SPATA33: variants seen among roughly 807,000 people sequenced by gnomAD.
SPATA33 encodes spermatogenesis associated 33.
In SPATA33, 10 loss-of-function variants were observed where a neutral mutation model predicts 8.9. The observed-to-expected ratio is 1.12, with a 90% confidence interval of 0.69 to 1.90. The LOEUF is 1.90. SPATA33 is among the 40% of genes most tolerant of loss of function. The pLI, the probability that SPATA33 is intolerant of heterozygous loss-of-function variation, is 0.00. For missense variants in SPATA33, 241 were observed against 178.3 expected (o/e 1.35, Z -2.00); for synonymous variants, 96 against 72.8 (o/e 1.32, Z -1.63).
At position 89,662,346 on chromosome 16, in the gene SPATA33, A is replaced by C. The variant is rs185071653; in HGVS notation, c.211+3925A>C. Among the ~76,000 whole-genome samples the C allele has an allele frequency of 3.3e-5, 5 of 152,082 alleles. No individual in the cohort carries two copies. In the East Asian group the frequency reaches 9.6e-4, roughly 29 times the overall value. On this transcript the variant is annotated intron_variant, in intron 2 of 2. Coordinates refer to ENST00000579310, the MANE Select transcript of SPATA33 (RefSeq NM_001271907.2). ...AACGAAGAAAGAACAAGATAACAAA[A>C]TACTGATTGAAGCTGAGTGCTCTAT...
At chr16:89,661,776 C>T (rs1453993545) in intron 2 of SPATA33, among the ~76,000 whole-genome samples, 4 of 152,050 alleles carry the variant, frequency 2.6e-5, no homozygotes, top group Admixed American at 6.6e-5. Flanking sequence ...GGCTCAGTCA[C>T]GCCTGAGACA....
intron 2 of SPATA33, among the ~76,000 whole-genome samples, chr16:89,665,616 A>T (rs258319): frequency 0.32 from 48,438 of 152,070 alleles, 10,063 homozygotes; most frequent in Middle Eastern, 0.6. Context: ...GTCTGGCCTA[A>T]TATTTCTAAA....
At chr16:89,660,382 G>A (rs749053303) in intron 2 of SPATA33, 56 of 976,560 alleles carry the variant, frequency 5.7e-5, no homozygotes, top group Admixed American at 1.3e-4. Context: ...TGCCAGTAAC[G>A]GAAGTGGGGG....
chr16:89,668,743 G>C (rs956973663), intron 2 of SPATA33, among the ~76,000 whole-genome samples: 1 of 152,244 alleles, frequency 6.6e-6, no homozygotes, highest in African/African-American at 2.4e-5. Context: ...GAGAGCAGCC[G>C]GTGAAGGAGC....
At position 89,658,265 on chromosome 16, in the gene SPATA33, G is replaced by A. The variant is rs1430412656; in HGVS notation, c.55G>A (p.Gly19Arg). 1.9e-6 allele frequency: 3 copies of A among 1,614,200 alleles called. No individual in the cohort carries two copies. In the South Asian group the frequency reaches 3.3e-5, roughly 18 times the overall value. ...TATTTCAGGTGAGGAGCAAAAGAAG[G>A]GATCCACCTATTCAGTTCCAAAATC... The part of the protein sequence containing the change: ...KPRKGEEQKK[G>R]STYSVPKSKE... The change falls in exon 2 of 3, where the codon GGA becomes AGA. Residue 19 changes from glycine (G) to arginine (R), a missense_variant. Physicochemically the swap from Gly to Arg is moderately radical, Grantham distance 125. Coordinates refer to ENST00000579310, the MANE Select transcript of SPATA33 (RefSeq NM_001271907.2).
At chr16:89,661,223 G>C (rs1226494608) in intron 2 of SPATA33, 1 of 985,168 alleles carries the variant, frequency 1.0e-6, no homozygotes, top group Non-Finnish European at 1.2e-6. Flanking sequence ...TGGCTTGGCT[G>C]TGTCCTCACC....
At chr16:89,660,918 C>G (rs2059958012) in intron 2 of SPATA33, 1 of 1,035,722 alleles carries the variant, frequency 9.7e-7, no homozygotes, top group Non-Finnish European at 1.2e-6. Flanking sequence ...CTTGAGTCTT[C>G]TCAGCTTGGG....
intron 2 of SPATA33, among the ~76,000 whole-genome samples, chr16:89,663,951 T>G (rs564271560): frequency 1.3e-5 from 2 of 152,244 alleles, no homozygotes; most frequent in East Asian, 3.9e-4. Flanking sequence ...AAACCTGATT[T>G]TTACAAAAAA....
chr16:89,658,798 G>A (rs1309494392), intron 2 of SPATA33: 2 of 261,472 alleles, frequency 7.6e-6, no homozygotes, highest in Non-Finnish European at 1.5e-5. Context: ...CTGGACTGTA[G>A]CTCTCCGAGG....
intron 2 of SPATA33, among the ~76,000 whole-genome samples, chr16:89,661,963 A>G (rs150449825): frequency 6.6e-6 from 1 of 152,290 alleles, no homozygotes; most frequent in African/African-American, 2.4e-5. Flanking sequence ...ACACTGCAAC[A>G]TTTATGGGTA....
In SPATA33 at chr16:89,663,630, G is replaced by T. The variant is rs1487524410; in HGVS notation, c.211+5209G>T. 5.3e-5 allele frequency among the ~76,000 whole-genome samples: 8 copies of T among 152,220 alleles called. No homozygotes were observed. In the South Asian group the frequency reaches 1.0e-3, roughly 20 times the overall value. ...TTGATTGCTAGGGCCTTGGCGTTGGGGTAGGGAGTGAGGGGGTCTGTGAAG... is the reference window on the plus strand; with the variant it reads ...TTGATTGCTAGGGCCTTGGCGTTGGTGTAGGGAGTGAGGGGGTCTGTGAAG... On this transcript the variant is annotated intron_variant, in intron 2 of 2. Transcript: ENST00000579310.
At chr16:89,663,279 G>A (rs369296478) in intron 2 of SPATA33, among the ~76,000 whole-genome samples, 1 of 146,264 alleles carries the variant, frequency 6.8e-6, no homozygotes, top group Non-Finnish European at 1.5e-5. Flanking sequence ...CAAATGGCAC[G>A]ATCTTGGCTC....
intron 1 of SPATA33, 51 bp from the exon 2 acceptor site, chr16:89,658,197 T>A (rs559463512): frequency 6.2e-7 from 1 of 1,608,036 alleles, no homozygotes; most frequent in East Asian, 2.2e-5. Flanking sequence ...TGGGACCCAC[T>A]GCCCTGCATT....
Position 89,670,059 on chromosome 16 carries a change from T to C in SPATA33, c.*562T>C. ...AGGGTGCACCAGGGCCACCCCACCC[T>C]GTGAGAAGCCGTGGCCCCCTTCTCC... is the stretch of plus-strand genomic sequence containing the variant. On this transcript the variant is annotated 3_prime_UTR_variant, in exon 3 of 3. Coordinates refer to ENST00000579310, the MANE Select transcript of SPATA33 (RefSeq NM_001271907.2). 1 of 138,970 alleles carries C rather than the reference T, an allele frequency of 7.2e-6. No individual in the cohort carries two copies. Among genetic ancestry groups the C allele is most frequent in the Non-Finnish European group, 1.5e-5 (1 of 66,102 alleles). The allele number at this position is 138,970 out of a possible 1,614,324, so 8.6% of individuals were successfully genotyped here. A position where few individuals can be genotyped will look rare whatever the true frequency, so the allele number is the denominator to read the frequency against.
intron 2 of SPATA33, among the ~76,000 whole-genome samples, chr16:89,666,913 A>G (rs1452902417): frequency 6.6e-6 from 1 of 152,240 alleles, no homozygotes; most frequent in Admixed American, 6.5e-5. Context: ...ACTGCTATCT[A>G]AAAGGCAGAG....
chr16:89,668,221 A>T (rs531758413), intron 2 of SPATA33, among the ~76,000 whole-genome samples: 1 of 152,324 alleles, frequency 6.6e-6, no homozygotes, highest in East Asian at 1.9e-4. Context: ...CTGAGGCAGG[A>T]GAATCACTTG....
intron 2 of SPATA33, 131 bp downstream of exon 2, chr16:89,658,552 T>C: frequency 7.9e-7 from 1 of 1,266,848 alleles, no homozygotes; most frequent in East Asian, 2.6e-5. Context: ...ATGAAACTGG[T>C]TTGTTTTGGG....
chr16:89,658,219 G>T, intron 1 of SPATA33, 29 bp from the exon 2 acceptor site: 1 of 1,613,010 alleles, frequency 6.2e-7, no homozygotes, highest in Non-Finnish European at 8.5e-7. Context: ...GGTAAGTCCC[G>T]GGTCTAACGG....
chr16:89,666,604 G>A (rs1420445272), intron 2 of SPATA33, among the ~76,000 whole-genome samples: 2 of 152,186 alleles, frequency 1.3e-5, no homozygotes, highest in Non-Finnish European at 2.9e-5. Flanking sequence ...TAGAAATAAA[G>A]ACACAAGGCA....
Sources: gnomAD v4.1 joint callset for allele counts (sites outside exome capture counted in the v4.1 genomes callset) on GRCh38, gnomAD v4.1.1 for gene constraint, MANE v1.5 for transcripts, NCBI Gene and HGNC (gene_info 2026-07-23, HGNC 2026-07-21) for gene names.